Variants in TBCD observed in about 807,000 individuals in gnomAD.
TBCD encodes the protein tubulin folding cofactor D.
A neutral mutation model predicts 169.3 loss-of-function variants in TBCD; 105 were observed. The observed-to-expected ratio is 0.62, with a 90% CI of 0.53 to 0.73. TBCD has a LOEUF of 0.73. Ranked by LOEUF, TBCD falls within the 30% of genes least tolerant of loss-of-function variation. The pLI is 0.00. For synonymous variants in TBCD, 700 were observed against 643.9 expected (o/e 1.09, Z -1.32); for missense variants, 1,444 against 1,600.1 (o/e 0.90, Z 1.66).
At chr17:82,882,550 G>T (rs1212585630) in intron 14 of TBCD, among the ~76,000 whole-genome samples, 1 of 152,232 alleles carries the variant, frequency 6.6e-6, no homozygotes, top group Admixed American at 6.5e-5. Context: ...GAGGAGAGAG[G>T]AGCGCAGAGA....
At chr17:82,781,032 C>T (rs949245728) in intron 6 of TBCD, among the ~76,000 whole-genome samples, 2 of 151,866 alleles carry the variant, frequency 1.3e-5, no homozygotes, top group African/African-American at 4.8e-5. Context: ...AGTGTGAGCA[C>T]TGCCTGGAAC....
intron 13 of TBCD, among the ~76,000 whole-genome samples, chr17:82,849,946 TTGTTGCCTGTGCTGC>T (rs1567886537): frequency 6.3e-5 from 8 of 126,662 alleles, no homozygotes; most frequent in Non-Finnish European, 8.3e-5. Context: ...GGCTGTGCTG[TTGTTGCCTGTGCTGC>T]TGTTGGCTGT....
chr17:82,800,430 CCAGCCG>C (rs1216510032), intron 8 of TBCD, among the ~76,000 whole-genome samples: 1 of 151,878 alleles, frequency 6.6e-6, no homozygotes, highest in Non-Finnish European at 1.5e-5. Flanking sequence ...TGTGTTCTCC[CCAGCCG>C]CAGTGTGCTC....
chr17:82,941,533 T>C (rs772103172), intron 38 of TBCD, 50 bp downstream of exon 38: 4 of 1,492,364 alleles, frequency 2.7e-6, no homozygotes, highest in Non-Finnish European at 3.6e-6. Flanking sequence ...CCCTGAGCTC[T>C]GGAATGTTCT....
At chr17:82,867,092 A>T (rs1339473522) in intron 13 of TBCD, among the ~76,000 whole-genome samples, 1 of 152,126 alleles carries the variant, frequency 6.6e-6, no homozygotes, top group Non-Finnish European at 1.5e-5. Context: ...TCTTACACGG[A>T]CTTGGGGACA....
chr17:82,823,310 G>C (rs1027585310), intron 13 of TBCD, among the ~76,000 whole-genome samples: 1 of 152,230 alleles, frequency 6.6e-6, no homozygotes, highest in African/African-American at 2.4e-5. Flanking sequence ...GGGAGAGGTT[G>C]GGTCTGAGCA....
intron 12 of TBCD, among the ~76,000 whole-genome samples, chr17:82,813,569 G>A (rs900048107): frequency 1.3e-5 from 2 of 152,192 alleles, no homozygotes; most frequent in East Asian, 1.9e-4. Context: ...CAGTGAACAC[G>A]TGTCTGATTT....
Position 82,930,494 on chromosome 17 carries a change from T to C in TBCD, c.2992-28T>C. 6.2e-7 allele frequency: 1 copy of C among 1,608,638 alleles called. No homozygotes were observed. The highest frequency in any genetic ancestry group is 8.5e-7 in the Non-Finnish European group (1 of 1,178,156). On this transcript the variant is annotated intron_variant, in intron 32 of 38. Transcript: ENST00000355528. The surrounding 1 kb of genome is among the most constrained non-coding windows in gnomAD (Gnocchi z 5.2). ...GGGGTGGCAGGCTCGGGGGTCCCACTGCCTTCTGAGGTGTCTCCGTGTTGC... is the reference window on the plus strand; with the variant it reads ...GGGGTGGCAGGCTCGGGGGTCCCACCGCCTTCTGAGGTGTCTCCGTGTTGC...
chr17:82,781,004 G>A (rs1000222886), intron 6 of TBCD, among the ~76,000 whole-genome samples: 1 of 152,046 alleles, frequency 6.6e-6, no homozygotes, highest in Non-Finnish European at 1.5e-5. Flanking sequence ...CTGAGGCCGG[G>A]CTGCAAGAGG....
At position 82,943,398 on chromosome 17, in the gene TBCD, CAGCAGCACCAA is replaced by C. The variant is rs1363153407; in HGVS notation, c.*942_*952del. On this transcript the variant is annotated 3_prime_UTR_variant, in exon 39 of 39. Coordinates refer to ENST00000355528, the MANE Select transcript of TBCD (RefSeq NM_005993.5). ...AGGGCTTGAGGTGCAGAACCACGGC[CAGCAGCACCAA>C]AGCAGCCCCAGGTGTGGCCACTCAG... 1 of 152,298 alleles carries C rather than the reference CAGCAGCACCAA, an allele frequency of 6.6e-6. No individual in the cohort carries two copies. Among genetic ancestry groups the C allele is most frequent in the Non-Finnish European group, 1.5e-5 (1 of 68,128 alleles). 9.4% of individuals were successfully genotyped at this position (152,298 alleles called of 1,614,324 possible).
Position 82,889,868 on chromosome 17 carries a change from G to T in TBCD, c.1563+171G>T, listed in dbSNP as rs1365867408. On this transcript the variant is annotated intron_variant, in intron 16 of 38. Coordinates refer to ENST00000355528, the MANE Select transcript of TBCD (RefSeq NM_005993.5). The surrounding 1 kb of genome is among the most constrained non-coding windows in gnomAD (Gnocchi z 5.3). Reference sequence around the variant, plus strand: ...ACGCACATGTTAAACAGCGAGTCCTGTTTCACAGGGAACCTGCATGTACAG... The same window carrying T: ...ACGCACATGTTAAACAGCGAGTCCTTTTTCACAGGGAACCTGCATGTACAG... Among the ~76,000 whole-genome samples, 3 of 152,232 alleles carry T rather than the reference G, an allele frequency of 2.0e-5. No individual in the cohort carries two copies. Among genetic ancestry groups the T allele is most frequent in the African/African-American group, 7.2e-5 (3 of 41,452 alleles).
intron 7 of TBCD, among the ~76,000 whole-genome samples, chr17:82,792,267 C>T (rs1181724866): frequency 6.7e-6 from 1 of 150,122 alleles, no homozygotes. Flanking sequence ...GAGATTGTGT[C>T]ACTGCATTCC....
At chr17:82,824,606 C>T (rs1468894416) in intron 13 of TBCD, among the ~76,000 whole-genome samples, 1 of 152,248 alleles carries the variant, frequency 6.6e-6, no homozygotes, top group African/African-American at 2.4e-5. Context: ...GACTCTCCCA[C>T]CTCAGCCTCC....
intron 12 of TBCD, among the ~76,000 whole-genome samples, chr17:82,814,384 C>T (rs771412637): frequency 6.6e-6 from 1 of 152,188 alleles, no homozygotes; most frequent in African/African-American, 2.4e-5. Flanking sequence ...ACGGCACAGA[C>T]GGGACGGTCT....
chr17:82,818,549 T>G lies in TBCD; in HGVS notation c.1318+3615T>G, dbSNP rs528703732. On this transcript the variant is annotated intron_variant, in intron 13 of 38. Transcript: ENST00000355528. ...GGGAGGCCAAGGCAGGAGGATCACT[T>G]GAGCCTAGGAATTTGATACCAGCCT... 4.6e-5 allele frequency among the ~76,000 whole-genome samples: 7 copies of G among 152,290 alleles called. No homozygotes were observed. In the East Asian group the frequency reaches 7.7e-4, roughly 17 times the overall value.
intron 13 of TBCD, among the ~76,000 whole-genome samples, chr17:82,838,299 T>C (rs1292001451): frequency 6.6e-6 from 1 of 151,660 alleles, no homozygotes; most frequent in Non-Finnish European, 1.5e-5. Context: ...TTCTAAGGAG[T>C]TTGAACTTTG....
chr17:82,756,103 C>A (rs1436137935), intron 1 of TBCD, 62 bp from the exon 2 acceptor site: 1 of 1,471,532 alleles, frequency 6.8e-7, no homozygotes, highest in Non-Finnish European at 9.3e-7. Flanking sequence ...AATGGGGTTT[C>A]TGAGGCTCAT....
chr17:82,827,626 GCA>G (rs1388416741), intron 13 of TBCD, among the ~76,000 whole-genome samples: 1 of 152,242 alleles, frequency 6.6e-6, no homozygotes, highest in Admixed American at 6.5e-5. Flanking sequence ...GTGTACATGT[GCA>G]CACTGACACA....
intron 13 of TBCD, among the ~76,000 whole-genome samples, chr17:82,826,854 C>T (rs1343530147): frequency 6.6e-6 from 1 of 152,168 alleles, no homozygotes; most frequent in African/African-American, 2.4e-5. Flanking sequence ...TGGCTCACTA[C>T]AACCTCTGCC....
Sources: gnomAD v4.1 joint callset for allele counts (sites outside exome capture counted in the v4.1 genomes callset) on GRCh38, gnomAD v4.1.1 for gene constraint, Gnocchi (gnomAD v3.1) non-coding constraint, MANE v1.5 for transcripts, NCBI Gene and HGNC (gene_info 2026-07-23, HGNC 2026-07-21) for gene names.